NGF: variants seen among roughly 807,000 people sequenced by gnomAD.
The protein encoded by NGF is nerve growth factor, also known as beta-nerve growth factor.
Under a neutral mutation model 12.8 loss-of-function variants are expected in NGF, and 4 were observed. The ratio of observed to expected loss-of-function variants is 0.31; its 90% CI spans 0.15 to 0.72. The LOEUF is 0.72. NGF is among the 30% of genes least tolerant of loss of function. The probability of loss-of-function intolerance (pLI) is 0.69; values close to 1 mark genes in which losing one functional copy is unlikely to be tolerated. For missense variants in NGF, 283 were observed against 330.8 expected, an observed-to-expected ratio of 0.86 and a Z score of 1.12; for synonymous variants, 140 against 130.0, an observed-to-expected ratio of 1.08 and a Z score of -0.52.
At chr1:115,319,239 A>G (rs544723638) in intron 1 of NGF, among the ~76,000 whole-genome samples, 1 of 152,286 alleles carries the variant, frequency 6.6e-6, no homozygotes, top group South Asian at 2.1e-4. Flanking sequence ...AGACCCGGTG[A>G]CTGGCCTTCT....
In NGF at chr1:115,286,309, C is replaced by G; in HGVS notation, c.487G>C (p.Val163Leu). Residue 163 changes from valine to leucine, a missense_variant, in exon 3 of 3, where the codon GTG becomes CTG. Physicochemically the swap from Val to Leu is conservative, Grantham distance 32 (BLOSUM62 1). Around this residue, in one of 2 missense-constraint regions of NGF, gnomAD observed 132 missense variants for 189.2 expected, o/e 0.70. Coordinates refer to ENST00000369512, the MANE Select transcript of NGF (RefSeq NM_002506.3). Reference protein sequence around the residue: ...KGKEVMVLGEVNINNSVFKQY... With the variant: ...KGKEVMVLGELNINNSVFKQY... The stretch of plus-strand genomic sequence containing the variant: ...TTGAATACACTGTTGTTAATGTTCA[C>G]CTCTCCCAACACCATCACCTCCTTG... 1.2e-6 allele frequency: 2 copies of G among 1,614,174 alleles called. No individual in the cohort carries two copies. The highest frequency in any genetic ancestry group is 2.2e-5 in the South Asian group (2 of 91,066).
chr1:115,289,392 C>T (rs917303342), intron 2 of NGF, among the ~76,000 whole-genome samples: 1 of 152,098 alleles, frequency 6.6e-6, no homozygotes, highest in East Asian at 1.9e-4. Flanking sequence ...AAGGGACATA[C>T]CTCTCCCTAT....
intron 1 of NGF, among the ~76,000 whole-genome samples, chr1:115,331,089 A>G (rs913196798): frequency 6.6e-5 from 10 of 151,384 alleles, no homozygotes; most frequent in Non-Finnish European, 1.5e-4. Context: ...TGCAATGTCA[A>G]TGAGGGGGTC....
chr1:115,298,443 G>A (rs1209861784), intron 1 of NGF, among the ~76,000 whole-genome samples: 7 of 152,096 alleles, frequency 4.6e-5, no homozygotes, highest in Non-Finnish European at 1.0e-4. Context: ...CAGGGGAATA[G>A]TTACAGCCAG....
chr1:115,321,645 A>G (rs1434313853), intron 1 of NGF, among the ~76,000 whole-genome samples: 1 of 148,668 alleles, frequency 6.7e-6, no homozygotes, highest in Non-Finnish European at 1.5e-5. Flanking sequence ...CCAAGGGCAG[A>G]TGATAGAGCA....
chr1:115,290,263 T>G (rs1653644979), intron 2 of NGF, among the ~76,000 whole-genome samples: 1 of 151,928 alleles, frequency 6.6e-6, no homozygotes, highest in African/African-American at 2.4e-5. Context: ...TCCCCTACCC[T>G]CTCAGGGCCT....
rs1243288263 is a variant in NGF at position 115,312,442 on chromosome 1, A to T, written c.-136-18692T>A. ...TTTGTTTTTAAGTAATAAACAATATAGCAGAAGTGACACGACAAAGGCACA... is the reference window on the plus strand; with the variant it reads ...TTTGTTTTTAAGTAATAAACAATATTGCAGAAGTGACACGACAAAGGCACA... On this transcript the variant is annotated intron_variant, in intron 1 of 2. Coordinates refer to ENST00000369512, the MANE Select transcript of NGF (RefSeq NM_002506.3). 1.2e-4 allele frequency among the ~76,000 whole-genome samples: 19 copies of T among 152,348 alleles called. No homozygotes were observed. In the South Asian group the frequency reaches 3.9e-3, roughly 32 times the overall value.
chr1:115,332,775 TC>T (rs1472145778), intron 1 of NGF, among the ~76,000 whole-genome samples: 1 of 152,124 alleles, frequency 6.6e-6, no homozygotes, highest in Non-Finnish European at 1.5e-5. Flanking sequence ...ACCCCGTCCT[TC>T]CCCCTGCTTA....
chr1:115,312,494 T>A (rs900790672), intron 1 of NGF, among the ~76,000 whole-genome samples: 2 of 152,176 alleles, frequency 1.3e-5, no homozygotes, highest in Non-Finnish European at 2.9e-5. Context: ...CAACTTGGGA[T>A]ATAAATTTTG....
At chr1:115,329,729 C>T (rs1023161438) in intron 1 of NGF, among the ~76,000 whole-genome samples, 43 of 138,796 alleles carry the variant, frequency 3.1e-4, no homozygotes, top group Admixed American at 5.7e-4. Flanking sequence ...ATTTTGTTTT[C>T]TTTTTTCTTT....
chr1:115,332,101 T>C (rs967546162), intron 1 of NGF, among the ~76,000 whole-genome samples: 2 of 152,216 alleles, frequency 1.3e-5, no homozygotes, highest in Non-Finnish European at 2.9e-5. Context: ...TCCTAAGACA[T>C]TTAAAATCCT....
At chr1:115,288,052 C>T (rs143548773) in intron 2 of NGF, among the ~76,000 whole-genome samples, 4 of 152,290 alleles carry the variant, frequency 2.6e-5, no homozygotes, top group African/African-American at 9.6e-5. Context: ...TCCTTTCTCC[C>T]ATCTCTCCTT....
Position 115,286,548 on chromosome 1 carries a change from C to T in NGF, c.248G>A (p.Arg83His), listed in dbSNP as rs767272925. ...GGTGCTAAACAGCACACGGGGTGAA[C>T]GGAGTCGCCGCTTTTTAAACAGCCT... ...DPRLFKKRRL[R>H]SPRVLFSTQP... The change falls in exon 3 of 3, where the codon CGT becomes CAT. Residue 83 changes from arginine (R) to histidine (H), a missense_variant. Transcript: ENST00000369512. 51 of 1,614,086 alleles carry T rather than the reference C, an allele frequency of 3.2e-5. No individual in the cohort carries two copies. The highest frequency in any genetic ancestry group is 6.7e-5 in the Admixed American group (4 of 60,010).
chr1:115,304,578 T>C (rs772384543), intron 1 of NGF, among the ~76,000 whole-genome samples: 20 of 152,208 alleles, frequency 1.3e-4, no homozygotes, highest in Admixed American at 2.6e-4. Context: ...GCACAATTTT[T>C]GCAGACCATG....
At chr1:115,308,564 A>T (rs1654260870) in intron 1 of NGF, among the ~76,000 whole-genome samples, 1 of 152,242 alleles carries the variant, frequency 6.6e-6, no homozygotes, top group African/African-American at 2.4e-5. Context: ...ACTAAAAAAA[A>T]TGGGCTGCCT....
intron 1 of NGF, among the ~76,000 whole-genome samples, chr1:115,311,937 C>A (rs1315769113): frequency 1.3e-5 from 2 of 152,154 alleles, no homozygotes; most frequent in Non-Finnish European, 2.9e-5. Flanking sequence ...TTGTGGCTAA[C>A]CCTAATCTGT....
intron 2 of NGF, among the ~76,000 whole-genome samples, chr1:115,289,573 A>G (rs1653620775): frequency 6.6e-6 from 1 of 152,182 alleles, no homozygotes; most frequent in South Asian, 2.1e-4. Context: ...GCAATTCTCC[A>G]TAGATACTGG....
chr1:115,286,723 T>C lies in NGF; in HGVS notation c.73A>G (p.Asn25Asp). ...GIQAEPHSES[N>D]VPAGHTIPQA... ...GGGATGGTGTGTCCTGCAGGGACAT[T>C]GCTCTCTGAGTGTGGTTCCGCCTGT... Residue 25 changes from asparagine (N) to aspartate (D), a missense_variant, in exon 3 of 3, where the codon AAT (asparagine) becomes GAT (aspartate). By Grantham distance (23) the Asn-to-Asp change is conservative. Coordinates refer to ENST00000369512, the MANE Select transcript of NGF (RefSeq NM_002506.3). The C allele has an allele frequency of 1.9e-6, 3 of 1,614,196 alleles. No individual in the cohort carries two copies. The highest frequency in any genetic ancestry group is 2.5e-6 in the Non-Finnish European group (3 of 1,180,028).
intron 1 of NGF, among the ~76,000 whole-genome samples, chr1:115,327,707 T>G (rs570889249): frequency 2.6e-5 from 4 of 152,342 alleles, no homozygotes; most frequent in East Asian, 1.9e-4. Context: ...CAGCCTTTGC[T>G]TTTTCCTTTA....
Sources: gnomAD v4.1 joint callset for allele counts (sites outside exome capture counted in the v4.1 genomes callset) on GRCh38, gnomAD v4.1.1 for gene constraint, gnomAD v4.1.1 regional missense constraint, MANE v1.5 for transcripts, NCBI Gene and HGNC (gene_info 2026-07-23, HGNC 2026-07-21) for gene names.